The following NTF3 variants were observed in gnomAD, a reference collection of about 807,000 sequenced individuals.
NTF3 encodes neurotrophin 3, also known as neurotrophin-3.
A neutral mutation model predicts 26.3 loss-of-function variants in NTF3; 8 were observed. The observed-to-expected ratio is 0.30, with a 90% CI of 0.18 to 0.55. The LOEUF (loss-of-function observed/expected upper bound fraction) is 0.55, where lower values mean the gene tolerates loss of function less well. Among genes scored for constraint, NTF3 ranks in the 20% least tolerant of loss-of-function variants. The probability of loss-of-function intolerance (pLI) is 0.93; values close to 1 mark genes in which losing one functional copy is unlikely to be tolerated. For missense variants in NTF3, 276 were observed against 352.9 expected (o/e 0.78, Z 1.75); for synonymous variants, 154 against 145.5 (o/e 1.06, Z -0.42).
Position 5,494,648 on chromosome 12 carries a change from A to G in NTF3, c.473A>G (p.His158Arg), listed in dbSNP as rs1940985055. Reference protein sequence around the residue: ...RRKRYAEHKSHRGEYSVCDSE... With the variant: ...RRKRYAEHKSRRGEYSVCDSE... ...AAACGGTACGCGGAGCATAAGAGTC[A>G]CCGAGGGGAGTACTCGGTATGTGAC... Residue 158 changes from histidine (H) to arginine (R), a missense_variant, in exon 2 of 2, where the codon CAC (histidine) becomes CGC (arginine). Physicochemically the swap from His to Arg is conservative, Grantham distance 29. Coordinates refer to ENST00000423158, the MANE Select transcript of NTF3 (RefSeq NM_001102654.2). This position sits in a 1 kb window ranked among gnomAD's most constrained non-coding sequence, Gnocchi z 8.3. 1.2e-6 allele frequency: 2 copies of G among 1,614,126 alleles called. No homozygotes were observed. The highest frequency in any genetic ancestry group is 1.7e-6 in the Non-Finnish European group (2 of 1,180,038).
chr12:5,449,254 A>G (rs755310359), intron 1 of NTF3, among the ~76,000 whole-genome samples: 2 of 152,204 alleles, frequency 1.3e-5, no homozygotes, highest in Admixed American at 6.5e-5. Flanking sequence ...GAGGGAGTGT[A>G]CACAGAGCGT....
At chr12:5,490,154 A>G (rs1386388383) in intron 1 of NTF3, among the ~76,000 whole-genome samples, 1 of 152,172 alleles carries the variant, frequency 6.6e-6, no homozygotes, top group Non-Finnish European at 1.5e-5. Flanking sequence ...CCGACTTCAG[A>G]GCCAGGGCCT....
In NTF3 at chr12:5,494,493, G is replaced by A. The variant is rs1319964098; in HGVS notation, c.318G>A (p.Leu106=). 3.7e-6 allele frequency: 6 copies of A among 1,613,804 alleles called. No homozygotes were observed. Among genetic ancestry groups the A allele is most frequent in the Admixed American group, 1.7e-5 (1 of 60,006 alleles). ...QPVIAMDTEL[L]RQQRRYNSPR... ...TGATTGCAATGGACACCGAACTGCT[G>A]CGACAACAGAGACGCTACAACTCAC... The change falls in exon 2 of 2, where the codon CTG becomes CTA. Residue 106 remains leucine (L), a synonymous_variant. Transcript: ENST00000423158. The surrounding 1 kb of genome is among the most constrained non-coding windows in gnomAD (Gnocchi z 8.3).
intron 1 of NTF3, among the ~76,000 whole-genome samples, chr12:5,440,324 A>G (rs1352410599): frequency 6.6e-6 from 1 of 152,146 alleles, no homozygotes; most frequent in African/African-American, 2.4e-5. Flanking sequence ...TTTTCTTCAT[A>G]TGGAGTATAT....
rs750849217 is a variant in NTF3 at position 5,494,191 on chromosome 12, C to T, written c.19-3C>T. 3 of 1,611,250 alleles carry T rather than the reference C, an allele frequency of 1.9e-6. No individual in the cohort carries two copies. Among genetic ancestry groups the T allele is most frequent in the Admixed American group, 1.7e-5 (1 of 59,974 alleles). ...GCTCTTAACACCTGTGTTTCCTTTT[C>T]AGATCTTACAGGTGAACAAGGTGAT... On this transcript the variant is annotated splice_region_variant and splice_polypyrimidine_tract_variant and intron_variant, in intron 1 of 1. Coordinates refer to ENST00000423158, the MANE Select transcript of NTF3 (RefSeq NM_001102654.2). The surrounding 1 kb of genome is among the most constrained non-coding windows in gnomAD (Gnocchi z 8.3).
At chr12:5,437,364 G>A (rs572786922) in intron 1 of NTF3, among the ~76,000 whole-genome samples, 17 of 152,294 alleles carry the variant, frequency 1.1e-4, no homozygotes, top group South Asian at 1.0e-3. Context: ...TTCCCCAGGC[G>A]GGACAGGCCA....
chr12:5,445,337 T>TGTGTGTGTG (rs1940292521), intron 1 of NTF3, among the ~76,000 whole-genome samples: 5 of 151,208 alleles, frequency 3.3e-5, no homozygotes, highest in African/African-American at 9.7e-5. Flanking sequence ...TGTGTGTGTG[T>TGTGTGTGTG]TTAAAGTTTT....
At position 5,494,342 on chromosome 12, in the gene NTF3, T is replaced by G. The variant is rs772014296; in HGVS notation, c.167T>G (p.Ile56Ser). The change falls in exon 2 of 2, where the codon ATT becomes AGT. Residue 56 changes from isoleucine to serine, a missense_variant. By Grantham distance (142) the Ile-to-Ser change is moderately radical. Transcript: ENST00000423158. The surrounding 1 kb of genome is among the most constrained non-coding windows in gnomAD (Gnocchi z 8.3). ...ATTATTAAGCTGATCCAGGCAGATATTTTGAAAAACAAGCTCTCCAAGCAG... is the reference window on the plus strand; with the variant it reads ...ATTATTAAGCTGATCCAGGCAGATAGTTTGAAAAACAAGCTCTCCAAGCAG... Reference protein sequence around the residue: ...SLIIKLIQADILKNKLSKQMV... With the variant: ...SLIIKLIQADSLKNKLSKQMV... The G allele has an allele frequency of 5.6e-6, 9 of 1,613,930 alleles. No individual in the cohort carries two copies. In the Admixed American group the frequency reaches 1.2e-4, roughly 21 times the overall value.
chr12:5,487,647 G>A (rs1403827572), intron 1 of NTF3, among the ~76,000 whole-genome samples: 1 of 152,294 alleles, frequency 6.6e-6, no homozygotes. Flanking sequence ...GCCGAGGATT[G>A]ACCATGTATG....
At chr12:5,481,929 A>G (rs1450535829) in intron 1 of NTF3, among the ~76,000 whole-genome samples, 2 of 151,902 alleles carry the variant, frequency 1.3e-5, no homozygotes, top group South Asian at 4.2e-4. Context: ...TTACACAGAC[A>G]CCACACACAC....
intron 1 of NTF3, among the ~76,000 whole-genome samples, chr12:5,463,683 G>C (rs1049544474): frequency 6.6e-6 from 1 of 152,146 alleles, no homozygotes; most frequent in African/African-American, 2.4e-5. Flanking sequence ...GATGAAATTA[G>C]GTTTTAGAGG....
At chr12:5,462,304 T>C (rs1940535119) in intron 1 of NTF3, among the ~76,000 whole-genome samples, 1 of 152,228 alleles carries the variant, frequency 6.6e-6, no homozygotes, top group South Asian at 2.1e-4. Context: ...TTGCCATCTC[T>C]AGTTTAATGG....
At chr12:5,467,879 C>T (rs913092685) in intron 1 of NTF3, among the ~76,000 whole-genome samples, 1 of 152,186 alleles carries the variant, frequency 6.6e-6, no homozygotes, top group African/African-American at 2.4e-5. Flanking sequence ...CTGGATTTAT[C>T]GTGCTGTACT....
At chr12:5,492,061 T>C (rs116827025) in intron 1 of NTF3, among the ~76,000 whole-genome samples, 1 of 152,198 alleles carries the variant, frequency 6.6e-6, no homozygotes, top group African/African-American at 2.4e-5. Context: ...ATCTATAAGA[T>C]GAAGGAATAA....
chr12:5,438,772 G>A (rs996527317), intron 1 of NTF3, among the ~76,000 whole-genome samples: 13 of 152,178 alleles, frequency 8.5e-5, no homozygotes, highest in African/African-American at 3.1e-4. Flanking sequence ...GCTACTGTGT[G>A]ACCCTGGACA....
At chr12:5,430,907 C>A (rs970137491), upstream of NTF3, among the ~76,000 whole-genome samples, 2 of 152,004 alleles carry the variant, frequency 1.3e-5, no homozygotes, top group East Asian at 3.9e-4. Context: ...AGGTCCACCA[C>A]GCAAGGACTC....
chr12:5,494,452 T>C lies in NTF3; in HGVS notation c.277T>C (p.Ser93Pro). ...REPERGGPAKSAFQPVIAMDT... is the reference protein window; with the variant it reads ...REPERGGPAKPAFQPVIAMDT... ...GCCGGAGCGGGGAGGGCCCGCCAAG[T>C]CAGCATTCCAGCCGGTGATTGCAAT... The change falls in exon 2 of 2, where the codon TCA becomes CCA. Residue 93 changes from serine to proline, a missense_variant. By Grantham distance (74) the Ser-to-Pro change is moderately conservative (BLOSUM62 -1). Coordinates refer to ENST00000423158, the MANE Select transcript of NTF3 (RefSeq NM_001102654.2). The surrounding 1 kb of genome is among the most constrained non-coding windows in gnomAD (Gnocchi z 8.3). 4.3e-6 allele frequency: 7 copies of C among 1,613,346 alleles called. No homozygotes were observed. Among genetic ancestry groups the C allele is most frequent in the Non-Finnish European group, 5.9e-6 (7 of 1,179,954 alleles).
chr12:5,466,999 G>A (rs928999315), intron 1 of NTF3, among the ~76,000 whole-genome samples: 4 of 152,082 alleles, frequency 2.6e-5, no homozygotes, highest in Non-Finnish European at 5.9e-5. Flanking sequence ...TGGGAGGCCA[G>A]GGCGGTTGGA....
chr12:5,474,093 A>T (rs1333285820), intron 1 of NTF3, among the ~76,000 whole-genome samples: 1 of 152,212 alleles, frequency 6.6e-6, no homozygotes, highest in Non-Finnish European at 1.5e-5. Context: ...CGAGAGTGAA[A>T]GGGTGAGCTG....
Sources: allele counts gnomAD v4.1 joint callset (sites outside exome capture counted in the v4.1 genomes callset), GRCh38; gene constraint gnomAD v4.1.1; non-coding constraint Gnocchi (gnomAD v3.1); transcripts MANE v1.5; gene names NCBI Gene and HGNC (gene_info 2026-07-23, HGNC 2026-07-21).